ROBO2: variants seen among roughly 807,000 people sequenced by gnomAD.
ROBO2 encodes roundabout homolog 2.
ROBO2 carries 53 observed loss-of-function variants against 160.8 expected under a neutral mutation model. That is an observed-to-expected ratio of 0.33 (90% confidence interval 0.26 to 0.41). ROBO2 has a LOEUF of 0.41. Among genes scored for constraint, ROBO2 ranks in the 10% least tolerant of loss-of-function variants. ROBO2 has a pLI of 1.00. For missense variants in ROBO2, 1,577 were observed against 1,722.4 expected, an observed-to-expected ratio of 0.92 and a Z score of 1.49; for synonymous variants, 664 against 611.7, an observed-to-expected ratio of 1.09 and a Z score of -1.26.
At chr3:76,919,984 G>A (rs1368123608) in intron 2 of ROBO2, among the ~76,000 whole-genome samples, 1 of 152,134 alleles carries the variant, frequency 6.6e-6, no homozygotes, top group Non-Finnish European at 1.5e-5. Context: ...GGACGTAATA[G>A]ATTTTTATCA....
chr3:76,038,538 G>A (rs560901574), intron 2 of ROBO2, among the ~76,000 whole-genome samples: 12 of 152,010 alleles, frequency 7.9e-5, no homozygotes, highest in Admixed American at 6.5e-4. Context: ...CAGTCTACCC[G>A]TTCCAACTAG....
At chr3:76,062,853 C>A (rs1296975525) in intron 2 of ROBO2, among the ~76,000 whole-genome samples, 4 of 152,080 alleles carry the variant, frequency 2.6e-5, no homozygotes, top group African/African-American at 9.7e-5. Flanking sequence ...GGTGAGAAAG[C>A]AGAGAAAGCA....
At chr3:76,950,959 G>T (rs1408592697) in intron 2 of ROBO2, among the ~76,000 whole-genome samples, 2 of 152,070 alleles carry the variant, frequency 1.3e-5, no homozygotes, top group Admixed American at 6.6e-5. Flanking sequence ...AACTCCCAGG[G>T]TCAAGCAATT....
At chr3:76,907,292 G>A (rs963939016) in intron 2 of ROBO2, among the ~76,000 whole-genome samples, 3 of 152,124 alleles carry the variant, frequency 2.0e-5, no homozygotes, top group East Asian at 3.9e-4. Context: ...TGTTTAACAC[G>A]TTAATTTTTA....
intron 2 of ROBO2, among the ~76,000 whole-genome samples, chr3:76,225,728 T>C (rs1246938917): frequency 6.7e-6 from 1 of 149,738 alleles, no homozygotes; most frequent in African/African-American, 2.4e-5. Context: ...AATAGAACAA[T>C]AAAATAAAAT....
intron 2 of ROBO2, among the ~76,000 whole-genome samples, chr3:77,104,505 C>T (rs934056316): frequency 1.3e-5 from 2 of 152,002 alleles, no homozygotes; most frequent in Admixed American, 6.6e-5. Context: ...CACTTTTTTT[C>T]TGCTATGAAC....
At chr3:77,413,001 G>A (rs2076926802) in intron 2 of ROBO2, among the ~76,000 whole-genome samples, 1 of 152,078 alleles carries the variant, frequency 6.6e-6, no homozygotes, top group South Asian at 2.1e-4. Context: ...AGGGTAGCTT[G>A]GGTCCAGCCA....
At chr3:76,766,974 A>C (rs1381946911) in intron 2 of ROBO2, among the ~76,000 whole-genome samples, 2 of 151,574 alleles carry the variant, frequency 1.3e-5, no homozygotes, top group Admixed American at 6.6e-5. Flanking sequence ...AGAATAATTC[A>C]CTTCACATTA....
intron 2 of ROBO2, among the ~76,000 whole-genome samples, chr3:76,113,919 T>C (rs2070351636): frequency 6.6e-6 from 1 of 152,136 alleles, no homozygotes; most frequent in Admixed American, 6.6e-5. Flanking sequence ...CTGGCCCCTC[T>C]TCCTCTCTTT....
At chr3:76,267,216 C>G (rs1239055384) in intron 2 of ROBO2, among the ~76,000 whole-genome samples, 1 of 152,096 alleles carries the variant, frequency 6.6e-6, no homozygotes, top group Non-Finnish European at 1.5e-5. Flanking sequence ...ATCTCTTTGT[C>G]CATATATTCA....
At chr3:77,449,285 A>G (rs1359789258) in intron 2 of ROBO2, among the ~76,000 whole-genome samples, 1 of 152,186 alleles carries the variant, frequency 6.6e-6, no homozygotes, top group African/African-American at 2.4e-5. Context: ...TCATGAAAAC[A>G]AGATAGTAAT....
At chr3:77,286,094 T>C (rs1457786360) in intron 2 of ROBO2, among the ~76,000 whole-genome samples, 1 of 152,160 alleles carries the variant, frequency 6.6e-6, no homozygotes, top group African/African-American at 2.4e-5. Flanking sequence ...CGCATATGCA[T>C]ATAGCAGTGT....
At chr3:77,187,532 A>G (rs1441993265) in intron 2 of ROBO2, among the ~76,000 whole-genome samples, 2 of 151,958 alleles carry the variant, frequency 1.3e-5, no homozygotes, top group East Asian at 3.9e-4. Context: ...AGGCAGGTGA[A>G]TATAATGACT....
At chr3:76,805,312 G>A (rs1334886290) in intron 2 of ROBO2, among the ~76,000 whole-genome samples, 1 of 151,812 alleles carries the variant, frequency 6.6e-6, no homozygotes, top group South Asian at 2.1e-4. Context: ...TACTTTTACA[G>A]CTGGGAATAT....
chr3:77,001,625 T>G (rs1224644117), intron 2 of ROBO2, among the ~76,000 whole-genome samples: 1 of 152,138 alleles, frequency 6.6e-6, no homozygotes. Flanking sequence ...CTGTTTCAAA[T>G]CTATGATTCT....
intron 2 of ROBO2, among the ~76,000 whole-genome samples, chr3:76,161,127 T>C (rs2072616236): frequency 1.3e-5 from 2 of 152,138 alleles, no homozygotes; most frequent in Admixed American, 1.3e-4. Context: ...ATTCCTTTTT[T>C]GGGTGTTACT....
intron 2 of ROBO2, among the ~76,000 whole-genome samples, chr3:75,946,698 G>A (rs1227009755): frequency 1.3e-5 from 2 of 152,056 alleles, no homozygotes; most frequent in Non-Finnish European, 2.9e-5. Flanking sequence ...TAAAAATTCT[G>A]TAATTTAAAA....
chr3:76,915,509 A>T (rs1205015963), intron 2 of ROBO2, among the ~76,000 whole-genome samples: 2 of 151,674 alleles, frequency 1.3e-5, no homozygotes, highest in Non-Finnish European at 2.9e-5. Context: ...AAAAATATAA[A>T]AATTAGCTGG....
chr3:76,094,073 C>T (rs2069339395), intron 2 of ROBO2, among the ~76,000 whole-genome samples: 1 of 152,090 alleles, frequency 6.6e-6, no homozygotes, highest in African/African-American at 2.4e-5. Context: ...ACATGGAGCC[C>T]TGAGGAAGAA....
Sources: allele counts gnomAD v4.1 joint callset (sites outside exome capture counted in the v4.1 genomes callset), GRCh38; gene constraint gnomAD v4.1.1; transcripts MANE v1.5; gene names NCBI Gene and HGNC (gene_info 2026-07-23, HGNC 2026-07-21).